The following THADA variants were observed in gnomAD, a reference collection of about 807,000 sequenced individuals.
THADA encodes THADA armadillo repeat containing.
A neutral mutation model predicts 219.8 loss-of-function variants in THADA; 213 were observed. That is an observed-to-expected ratio of 0.97 (90% CI 0.87 to 1.09). The LOEUF (loss-of-function observed/expected upper bound fraction) is 1.09, where lower values mean the gene tolerates loss of function less well. Ranked by LOEUF, THADA falls within the 50% of genes least tolerant of loss-of-function variation. The pLI is 0.00. For missense variants in THADA, 2,956 were observed against 2,311.3 expected (o/e 1.28, Z -5.72); for synonymous variants, 1,018 against 828.9 (o/e 1.23, Z -3.92).
intron 22 of THADA, among the ~76,000 whole-genome samples, chr2:43,525,480 T>G (rs1281394336): frequency 6.6e-6 from 1 of 152,176 alleles, no homozygotes. Context: ...GCTGATTCTC[T>G]TGGAATACTC....
At chr2:43,526,348 A>C (rs74999307) in intron 22 of THADA, among the ~76,000 whole-genome samples, 1 of 137,416 alleles carries the variant, frequency 7.3e-6, no homozygotes, top group African/African-American at 2.8e-5. Flanking sequence ...CCAAGACACT[A>C]TAATTTGGCC....
intron 31 of THADA, among the ~76,000 whole-genome samples, chr2:43,298,946 A>C (rs1356577616): frequency 6.6e-6 from 1 of 152,180 alleles, no homozygotes; most frequent in Non-Finnish European, 1.5e-5. Context: ...TGAAAATCTG[A>C]AATCCAAAAT....
At chr2:43,270,170 G>C (rs191918449) in intron 36 of THADA, among the ~76,000 whole-genome samples, 1 of 152,152 alleles carries the variant, frequency 6.6e-6, no homozygotes, top group South Asian at 2.1e-4. Flanking sequence ...TGGGCCTCAG[G>C]AGTGGGTGTT....
chr2:43,237,710 C>G (rs974640735), intron 36 of THADA, among the ~76,000 whole-genome samples: 1 of 151,906 alleles, frequency 6.6e-6, no homozygotes, highest in Non-Finnish European at 1.5e-5. Flanking sequence ...TGAGCCACCA[C>G]GCTTGGCCTT....
At chr2:43,576,219 T>C (rs1303589167) in intron 10 of THADA, among the ~76,000 whole-genome samples, 1 of 152,242 alleles carries the variant, frequency 6.6e-6, no homozygotes, top group Non-Finnish European at 1.5e-5. Context: ...ATAATATAGC[T>C]CAAATATGTA....
chr2:43,427,950 C>T (rs1285703657), intron 28 of THADA, 150 bp downstream of exon 28: 2 of 352,400 alleles, frequency 5.7e-6, no homozygotes, highest in Non-Finnish European at 8.0e-6. Context: ...AGCGAGACTC[C>T]GTCTCAAAAA....
At chr2:43,528,646 C>T (rs894445069) in intron 21 of THADA, among the ~76,000 whole-genome samples, 1 of 152,202 alleles carries the variant, frequency 6.6e-6, no homozygotes, top group African/African-American at 2.4e-5. Flanking sequence ...TACACTAGAA[C>T]TGCCTTCCTA....
intron 29 of THADA, among the ~76,000 whole-genome samples, chr2:43,350,391 G>C (rs1668115990): frequency 6.6e-6 from 1 of 152,216 alleles, no homozygotes; most frequent in Admixed American, 6.5e-5. Flanking sequence ...TGGAGGGCAA[G>C]GTGGGAAGGC....
intron 26 of THADA, among the ~76,000 whole-genome samples, chr2:43,441,380 G>C (rs941790505): frequency 6.6e-6 from 1 of 152,158 alleles, no homozygotes; most frequent in East Asian, 1.9e-4. Context: ...CTCTGCATTA[G>C]CCAAAAGCTA....
chr2:43,534,215 C>G (rs1252633223), intron 21 of THADA, among the ~76,000 whole-genome samples: 3 of 152,012 alleles, frequency 2.0e-5, no homozygotes, highest in Non-Finnish European at 4.4e-5. Flanking sequence ...AAATAATTAT[C>G]CATATTTATG....
In THADA at chr2:43,578,733, A is replaced by C. The variant is rs77694606; in HGVS notation, c.722-126T>G. 1.6e-3 allele frequency: 825 copies of C among 512,320 alleles called. 2 individuals carry two copies. Among genetic ancestry groups the C allele is most frequent in the African/African-American group, 0.015 (754 of 50,946 alleles). The allele number at this position is 512,320 out of a possible 1,614,324, so 31.7% of individuals were successfully genotyped here. A position where few individuals can be genotyped will look rare whatever the true frequency, so the allele number is the denominator to read the frequency against. On this transcript the variant is annotated intron_variant, in intron 8 of 37. Coordinates refer to ENST00000405975, the MANE Select transcript of THADA (RefSeq NM_022065.5). Reference sequence around the variant, plus strand: ...TCTAGTCTGACCACTTCCTGGGTGAATAGGTCTTACCTAAGTTATTTAACA... The same window carrying C: ...TCTAGTCTGACCACTTCCTGGGTGACTAGGTCTTACCTAAGTTATTTAACA...
At chr2:43,544,303 T>G (rs1695726797) in intron 20 of THADA, among the ~76,000 whole-genome samples, 2 of 152,208 alleles carry the variant, frequency 1.3e-5, no homozygotes, top group Non-Finnish European at 2.9e-5. Flanking sequence ...TGAAGTCAGG[T>G]AGCATGATGC....
intron 30 of THADA, among the ~76,000 whole-genome samples, chr2:43,338,154 CTTTTTTT>C (rs35928615): frequency 5.5e-5 from 7 of 126,362 alleles, no homozygotes; most frequent in East Asian, 2.2e-4. Context: ...ATCACCAGAA[CTTTTTTT>C]TTTTTTTTTT....
At chr2:43,591,514 A>C (rs923622407) in intron 3 of THADA, among the ~76,000 whole-genome samples, 2 of 152,136 alleles carry the variant, frequency 1.3e-5, no homozygotes, top group African/African-American at 4.8e-5. Context: ...AGTAAAGAAC[A>C]GCTGTAGCAC....
intron 31 of THADA, 75 bp from the exon 32 acceptor site, chr2:43,293,288 A>C: frequency 6.7e-7 from 1 of 1,487,074 alleles, no homozygotes; most frequent in Non-Finnish European, 9.0e-7. Flanking sequence ...AAGAATGAAG[A>C]CTGAATCCAC....
At chr2:43,386,723 A>C (rs1672732834) in intron 29 of THADA, among the ~76,000 whole-genome samples, 2 of 152,022 alleles carry the variant, frequency 1.3e-5, no homozygotes, top group South Asian at 4.2e-4. Context: ...GTGAAACCCC[A>C]TCTCTACTAA....
chr2:43,538,682 G>A (rs969916344), intron 21 of THADA: 2 of 152,220 alleles, frequency 1.3e-5, no homozygotes. Flanking sequence ...CTGGGTTCCT[G>A]TTCCAGAGCT....
At chr2:43,552,438 T>C (rs902723067) in intron 17 of THADA, 99 bp from the exon 18 acceptor site, 3 of 1,275,810 alleles carry the variant, frequency 2.4e-6, no homozygotes, top group Non-Finnish European at 3.2e-6. Flanking sequence ...CCAACTCAAA[T>C]GAACTTTACA....
At chr2:43,415,920 T>C (rs1447612587) in intron 28 of THADA, among the ~76,000 whole-genome samples, 1 of 152,164 alleles carries the variant, frequency 6.6e-6, no homozygotes, top group African/African-American at 2.4e-5. Flanking sequence ...CCAGTTTTCA[T>C]TCTGGCTACA....
Sources: allele counts gnomAD v4.1 joint callset (sites outside exome capture counted in the v4.1 genomes callset), GRCh38; gene constraint gnomAD v4.1.1; transcripts MANE v1.5; gene names NCBI Gene and HGNC (gene_info 2026-07-23, HGNC 2026-07-21).